The following DYM variants were observed in gnomAD, a reference collection of about 807,000 sequenced individuals.
DYM encodes the protein dyggve-Melchior-Clausen syndrome protein.
DYM carries 78 observed loss-of-function variants against 93.1 expected under a neutral mutation model. The ratio of observed to expected loss-of-function variants is 0.84; its 90% CI spans 0.70 to 1.01. The LOEUF (loss-of-function observed/expected upper bound fraction) is 1.01, where lower values mean the gene tolerates loss of function less well. Ranked by LOEUF, DYM falls within the 50% of genes least tolerant of loss-of-function variation. DYM has a pLI of 0.00. For missense variants in DYM, 789 were observed against 845.0 expected, an observed-to-expected ratio of 0.93 and a Z score of 0.82; for synonymous variants, 321 against 319.7, an observed-to-expected ratio of 1.00 and a Z score of -0.04.
chr18:49,097,874 GCTCTCTCTCT>G (rs61301668), intron 16 of DYM, among the ~76,000 whole-genome samples: 4,854 of 141,250 alleles, frequency 0.034, 275 homozygotes, highest in African/African-American at 0.12. Flanking sequence ...CTTAATATTA[GCTCTCTCTCT>G]CTCTCTCTCT....
At chr18:49,165,987 G>T (rs1474703269) in intron 14 of DYM, among the ~76,000 whole-genome samples, 3 of 145,974 alleles carry the variant, frequency 2.1e-5, no homozygotes, top group Non-Finnish European at 4.5e-5. Context: ...TATACAAGAA[G>T]TAGAAAACAG....
At chr18:49,087,073 C>T (rs2078609646) in intron 17 of DYM, among the ~76,000 whole-genome samples, 1 of 152,052 alleles carries the variant, frequency 6.6e-6, no homozygotes. Flanking sequence ...GAAGATAAAG[C>T]AGGAAGATGG....
At chr18:49,233,554 C>T (rs544601597) in intron 13 of DYM, among the ~76,000 whole-genome samples, 2 of 152,224 alleles carry the variant, frequency 1.3e-5, no homozygotes, top group East Asian at 1.9e-4. Flanking sequence ...GGTGCTGTTG[C>T]TCCACTCCCA....
chr18:49,119,393 T>C (rs1007592127), intron 15 of DYM, among the ~76,000 whole-genome samples: 1 of 152,236 alleles, frequency 6.6e-6, no homozygotes, highest in Non-Finnish European at 1.5e-5. Context: ...CAGACTATGA[T>C]TTTGTCACTG....
At chr18:49,114,679 G>A (rs2081768806) in intron 16 of DYM, 2 of 546,030 alleles carry the variant, frequency 3.7e-6, no homozygotes, top group East Asian at 1.5e-4. Context: ...TCGTGTGTGT[G>A]TGTGTGTGTG....
Position 49,379,783 on chromosome 18 carries a change from A to G in DYM, c.194-25T>C, listed in dbSNP as rs200788740. 2,140 of 1,566,598 alleles carry G rather than the reference A, an allele frequency of 1.4e-3. 7 individuals are homozygous for G. The highest frequency in any genetic ancestry group is 0.013 in the Middle Eastern group (72 of 5,650). ...ACTGCAAGAGAAGAAAAGGTTTTAA[A>G]AAGTTAAATTTAAGAACTAAAATCA... On this transcript the variant is annotated intron_variant, in intron 3 of 17. Transcript: ENST00000675505.
At chr18:49,436,849 TAAC>T (rs2080903014) in intron 1 of DYM, among the ~76,000 whole-genome samples, 1 of 152,212 alleles carries the variant, frequency 6.6e-6, no homozygotes, top group Non-Finnish European at 1.5e-5. Flanking sequence ...ATGAAAATCA[TAAC>T]AATTTGTTCT....
At chr18:49,199,640 C>G (rs1269951454) in intron 14 of DYM, among the ~76,000 whole-genome samples, 1 of 152,198 alleles carries the variant, frequency 6.6e-6, no homozygotes, top group African/African-American at 2.4e-5. Flanking sequence ...ACAGCCACAA[C>G]AGAATTATTA....
At chr18:49,453,549 C>G (rs2082716014) in intron 1 of DYM, among the ~76,000 whole-genome samples, 1 of 152,196 alleles carries the variant, frequency 6.6e-6, no homozygotes, top group Non-Finnish European at 1.5e-5. Context: ...AAACTCCACA[C>G]ACGCCGCCTT....
At chr18:49,246,448 A>T (rs1169735907) in intron 13 of DYM, among the ~76,000 whole-genome samples, 1 of 152,212 alleles carries the variant, frequency 6.6e-6, no homozygotes, top group Non-Finnish European at 1.5e-5. Flanking sequence ...TGGCCTTAGC[A>T]TTTTATAACA....
chr18:49,432,140 A>C (rs2080375533), intron 1 of DYM, among the ~76,000 whole-genome samples: 1 of 152,150 alleles, frequency 6.6e-6, no homozygotes, highest in Admixed American at 6.5e-5. Flanking sequence ...TGGGAGGCCA[A>C]GGCGGGCAGA....
intron 2 of DYM, among the ~76,000 whole-genome samples, chr18:49,401,636 T>C (rs74791490): frequency 1.3e-5 from 2 of 151,470 alleles, no homozygotes; most frequent in African/African-American, 4.9e-5. Context: ...TCTCTCTCTC[T>C]CACACACACG....
At chr18:49,281,860 G>T in intron 10 of DYM, 137 bp downstream of exon 10, 2 of 771,336 alleles carry the variant, frequency 2.6e-6, no homozygotes, top group Non-Finnish European at 4.0e-6. Context: ...GTTAAATGAC[G>T]AGTTCCTGGG....
Position 49,216,498 on chromosome 18 carries a change from A to AC in DYM, c.1461-6784dup, listed in dbSNP as rs2093053853. On this transcript the variant is annotated intron_variant, in intron 13 of 17. Coordinates refer to ENST00000675505, the MANE Select transcript of DYM (RefSeq NM_001353214.3). ...CCCCCGAGCAGCCTAACTGGGAGGC[A>AC]CCCCCCAGTAGGGGCAGACTGACAT... Among the ~76,000 whole-genome samples, 12 of 151,926 alleles carry AC rather than the reference A, an allele frequency of 7.9e-5. No homozygotes were observed. The South Asian group carries it at 2.5e-3, about 32-fold the overall frequency.
At chr18:49,139,826 G>GT (rs988767092) in intron 15 of DYM, among the ~76,000 whole-genome samples, 7 of 152,056 alleles carry the variant, frequency 4.6e-5, no homozygotes, top group African/African-American at 1.4e-4. Context: ...TGACAAATTT[G>GT]TTTTTTAACT....
chr18:49,041,011 C>T lies in DYM; in HGVS notation c.*3044G>A, dbSNP rs892813201. 1.3e-5 allele frequency among the ~76,000 whole-genome samples: 2 copies of T among 152,232 alleles called. No homozygotes were observed. The highest frequency in any genetic ancestry group is 6.5e-5 in the Admixed American group (1 of 15,276). On this transcript the variant is annotated 3_prime_UTR_variant, in exon 18 of 18. Coordinates refer to ENST00000675505, the MANE Select transcript of DYM (RefSeq NM_001353214.3). ...TATCGTCTACTTCCCAGCTCCTGTG[C>T]TTTCCTTCCAGAGAGAACTGTGTGT...
intron 14 of DYM, among the ~76,000 whole-genome samples, chr18:49,190,704 C>G (rs2090883614): frequency 6.6e-6 from 1 of 152,158 alleles, no homozygotes; most frequent in Admixed American, 6.5e-5. Flanking sequence ...TTGAACAACA[C>G]AGGGTTGAAC....
rs2080036114 is a variant in DYM at position 49,100,600 on chromosome 18, A to C, written c.1912-3085T>G. 2.6e-5 allele frequency among the ~76,000 whole-genome samples: 4 copies of C among 152,316 alleles called. No homozygotes were observed. The Middle Eastern group carries it at 0.014, about 518-fold the overall frequency. ...TGACATTCTCATGTTTTTGCATTCA[A>C]ACTCACATGATTTTAGAAAATGATA... is the stretch of plus-strand genomic sequence containing the variant. On this transcript the variant is annotated intron_variant, in intron 16 of 17. Coordinates refer to ENST00000675505, the MANE Select transcript of DYM (RefSeq NM_001353214.3).
Position 49,203,871 on chromosome 18 carries a change from TAAAAAAAAA to T in DYM, c.1625+5671_1625+5679del, listed in dbSNP as rs71165370. Among the ~76,000 whole-genome samples, 175 of 63,542 alleles carry T rather than the reference TAAAAAAAAA, an allele frequency of 2.8e-3. 3 individuals carry two copies. Among genetic ancestry groups the T allele is most frequent in the South Asian group, 0.012 (16 of 1,384 alleles). 41.7% of individuals were successfully genotyped at this position (63,542 alleles called of 152,430 possible). On this transcript the variant is annotated intron_variant, in intron 14 of 17. Transcript: ENST00000675505. The stretch of plus-strand genomic sequence containing the variant: ...CAATAAAAAAATAAATTTAAAAAAG[TAAAAAAAAA>T]AAAAAAAAAAAAAAAAAACAACTCT...
Sources: gnomAD v4.1 joint callset for allele counts (sites outside exome capture counted in the v4.1 genomes callset) on GRCh38, gnomAD v4.1.1 for gene constraint, MANE v1.5 for transcripts, NCBI Gene and HGNC (gene_info 2026-07-23, HGNC 2026-07-21) for gene names.